SEMA3A: variants seen among roughly 807,000 people sequenced by gnomAD.
SEMA3A encodes semaphorin-3A.
A neutral mutation model predicts 97.9 loss-of-function variants in SEMA3A; 29 were observed. That is an observed-to-expected ratio of 0.30 (90% CI 0.22 to 0.40). The LOEUF is 0.40. Among genes scored for constraint, SEMA3A ranks in the 10% least tolerant of loss-of-function variants. The pLI is 1.00. For missense variants in SEMA3A, 763 were observed against 951.3 expected (o/e 0.80, Z 2.60); for synonymous variants, 321 against 323.7 (o/e 0.99, Z 0.09).
intron 6 of SEMA3A, among the ~76,000 whole-genome samples, chr7:84,028,854 C>T (rs1446605110): frequency 3.3e-5 from 5 of 152,074 alleles, no homozygotes; most frequent in East Asian, 1.9e-4. Flanking sequence ...CTCCTGACCT[C>T]GTGATCTGCC....
intron 6 of SEMA3A, among the ~76,000 whole-genome samples, chr7:84,032,673 C>T (rs1791804560): frequency 6.6e-6 from 1 of 151,856 alleles, no homozygotes; most frequent in Non-Finnish European, 1.5e-5. Context: ...TCTTATTATC[C>T]TTTAAGAAGT....
At chr7:84,473,731 G>T (rs993027315) in intron 1 of SEMA3A, among the ~76,000 whole-genome samples, 1 of 151,972 alleles carries the variant, frequency 6.6e-6, no homozygotes, top group African/African-American at 2.4e-5. Flanking sequence ...ATAAATATCT[G>T]ATAAATCAGA....
At chr7:83,978,165 A>G (rs968584924) in intron 14 of SEMA3A, among the ~76,000 whole-genome samples, 4 of 152,032 alleles carry the variant, frequency 2.6e-5, no homozygotes, top group African/African-American at 9.7e-5. Context: ...TTGCAAACCA[A>G]TTTACCTGTG....
chr7:84,123,948 T>C (rs1229125267), intron 3 of SEMA3A, among the ~76,000 whole-genome samples: 2 of 152,118 alleles, frequency 1.3e-5, no homozygotes, highest in Non-Finnish European at 2.9e-5. Flanking sequence ...TTAATATATG[T>C]GTTTGGTGCA....
intron 6 of SEMA3A, among the ~76,000 whole-genome samples, chr7:84,019,729 T>TA (rs11454772): frequency 0.39 from 58,809 of 151,464 alleles, 12,681 homozygotes; most frequent in Non-Finnish European, 0.5. Flanking sequence ...AACTATCAAA[T>TA]AAAAAAAATA....
intron 1 of SEMA3A, among the ~76,000 whole-genome samples, chr7:84,150,552 T>C (rs1796612863): frequency 1.3e-5 from 2 of 152,018 alleles, no homozygotes; most frequent in South Asian, 2.1e-4. Context: ...AAACGGCGCA[T>C]CACGAGATTA....
At chr7:84,321,286 T>C (rs1191149645) in intron 2 of SEMA3A, among the ~76,000 whole-genome samples, 1 of 152,214 alleles carries the variant, frequency 6.6e-6, no homozygotes, top group African/African-American at 2.4e-5. Flanking sequence ...TTGCTCTTTA[T>C]TGTATGTTTT....
intron 4 of SEMA3A, among the ~76,000 whole-genome samples, chr7:84,089,346 A>G (rs1308452783): frequency 2.0e-5 from 3 of 152,194 alleles, no homozygotes; most frequent in Non-Finnish European, 4.4e-5. Flanking sequence ...ATGCAAATGC[A>G]AATATGTCAA....
chr7:84,162,127 C>T (rs1237149563), intron 1 of SEMA3A, among the ~76,000 whole-genome samples: 1 of 152,036 alleles, frequency 6.6e-6, no homozygotes, highest in Non-Finnish European at 1.5e-5. Context: ...ATAGGATAAG[C>T]ATATGTTTTG....
intron 5 of SEMA3A, among the ~76,000 whole-genome samples, chr7:84,048,851 A>T (rs1161479971): frequency 3.3e-5 from 5 of 152,034 alleles, no homozygotes; most frequent in Non-Finnish European, 7.4e-5. Context: ...GATGTTTATT[A>T]TATTTAAAGT....
intron 5 of SEMA3A, among the ~76,000 whole-genome samples, chr7:84,052,882 G>A (rs1192437762): frequency 6.6e-6 from 1 of 151,600 alleles, no homozygotes; most frequent in Non-Finnish European, 1.5e-5. Context: ...ACATCACTTT[G>A]AATGCGTCCC....
At chr7:84,195,024 A>AGAGAGAGAGAGAG (rs1798179833), upstream of SEMA3A, 3 of 140,560 alleles carry the variant, frequency 2.1e-5, no homozygotes, top group Admixed American at 7.1e-5. Flanking sequence ...GAGAGAGAGA[A>AGAGAGAGAGAGAG]AGAGAGAGAG....
At chr7:84,302,898 C>G (rs1474273648) in intron 3 of SEMA3A, among the ~76,000 whole-genome samples, 3 of 152,184 alleles carry the variant, frequency 2.0e-5, no homozygotes, top group African/African-American at 7.2e-5. Context: ...GATGATTTTT[C>G]TAAGTTCCTT....
intron 1 of SEMA3A, among the ~76,000 whole-genome samples, chr7:84,182,755 A>T (rs541997782): frequency 6.6e-6 from 1 of 152,282 alleles, no homozygotes; most frequent in Non-Finnish European, 1.5e-5. Context: ...ATGAAGGTGA[A>T]AGACTGAAAA....
At chr7:84,063,609 C>T (rs1793347695) in intron 4 of SEMA3A, among the ~76,000 whole-genome samples, 1 of 151,128 alleles carries the variant, frequency 6.6e-6, no homozygotes, top group African/African-American at 2.4e-5. Flanking sequence ...GGCTCGAGAA[C>T]TACATGAAGA....
intron 2 of SEMA3A, among the ~76,000 whole-genome samples, chr7:84,324,537 C>T (rs1234560428): frequency 6.6e-6 from 1 of 152,060 alleles, no homozygotes; most frequent in East Asian, 1.9e-4. Context: ...AAAACAAATG[C>T]TGTTTTGGCT....
intron 1 of SEMA3A, among the ~76,000 whole-genome samples, chr7:84,137,029 T>C (rs1796152336): frequency 6.6e-6 from 1 of 151,206 alleles, no homozygotes; most frequent in Admixed American, 6.6e-5. Context: ...TTCATGTGAA[T>C]CACAGCTGAA....
At chr7:83,965,235 G>A (rs978928679) in intron 15 of SEMA3A, among the ~76,000 whole-genome samples, 12 of 151,418 alleles carry the variant, frequency 7.9e-5, no homozygotes, top group Non-Finnish European at 1.0e-4. Flanking sequence ...CACCGCGTCC[G>A]GCCCGTTTAA....
intron 1 of SEMA3A, among the ~76,000 whole-genome samples, chr7:84,137,973 T>C (rs1796195492): frequency 1.3e-5 from 2 of 152,160 alleles, no homozygotes; most frequent in Non-Finnish European, 2.9e-5. Flanking sequence ...TTAAACTCCC[T>C]GGTCCCAAGT....
Sources: gnomAD v4.1 joint callset for allele counts (sites outside exome capture counted in the v4.1 genomes callset) on GRCh38, gnomAD v4.1.1 for gene constraint, MANE v1.5 for transcripts, NCBI Gene and HGNC (gene_info 2026-07-23, HGNC 2026-07-21) for gene names.